Variants in GRM5 observed in about 807,000 individuals in gnomAD.
GRM5 encodes the protein glutamate metabotropic receptor 5, also known as metabotropic glutamate receptor 5.
GRM5 carries 19 observed loss-of-function variants against 83.1 expected under a neutral mutation model. The ratio of observed to expected loss-of-function variants is 0.23; its 90% confidence interval spans 0.16 to 0.34. The LOEUF is 0.34. Among genes scored for constraint, GRM5 ranks in the 10% least tolerant of loss-of-function variants. The pLI, the probability that GRM5 is intolerant of heterozygous loss-of-function variation, is 1.00. For synonymous variants in GRM5, 675 were observed against 633.6 expected (o/e 1.07, Z -0.98); for missense variants, 1,160 against 1,588.3 (o/e 0.73, Z 4.58).
At position 88,995,610 on chromosome 11, in the gene GRM5, G is replaced by C. The variant is rs1263019192; in HGVS notation, c.661+51602C>G. The stretch of plus-strand genomic sequence containing the variant: ...ATGGTATAAGGTACTGAAGTGGTGT[G>C]CACCAATGTTGTAGAATATATTCTT... On this transcript the variant is annotated intron_variant, in intron 2 of 9. Coordinates refer to ENST00000305447, the MANE Select transcript of GRM5 (RefSeq NM_001143831.3). Among the ~76,000 whole-genome samples the C allele has an allele frequency of 4.0e-5, 6 of 150,418 alleles. No homozygotes were observed. In the East Asian group the frequency reaches 1.2e-3, roughly 29 times the overall value.
intron 1 of GRM5, among the ~76,000 whole-genome samples, chr11:89,059,321 T>C (rs1472586175): frequency 6.6e-6 from 1 of 152,324 alleles, no homozygotes; most frequent in South Asian, 2.1e-4. Flanking sequence ...GAGATAGCAA[T>C]TACGTATTAT....
intron 2 of GRM5, among the ~76,000 whole-genome samples, chr11:88,865,867 A>C (rs1944654320): frequency 6.6e-6 from 1 of 152,166 alleles, no homozygotes; most frequent in African/African-American, 2.4e-5. Context: ...ATGCCATCTC[A>C]GGCCAGTTAG....
chr11:88,509,659 G>T (rs1941308679), intron 9 of GRM5, among the ~76,000 whole-genome samples, 155 bp from the exon 10 acceptor site: 1 of 152,214 alleles, frequency 6.6e-6, no homozygotes, highest in Admixed American at 6.5e-5. Context: ...CATGGAAAGA[G>T]ACCTTGGAAG....
rs149963550 is a variant in GRM5, at chr11:88,581,092, G to A, written c.1690+9509C>T. Among the ~76,000 whole-genome samples the A allele has an allele frequency of 7.3e-3, 1,115 of 152,180 alleles. 11 individuals carry two copies. Among genetic ancestry groups the A allele is most frequent in the African/African-American group, 0.026 (1,077 of 41,524 alleles). ...TGTGCCACTGCACTCCAACCTGGGC[G>A]ACAGAGCAAGATTCCATCTCAATAA... On this transcript the variant is annotated intron_variant, in intron 7 of 9. Coordinates refer to ENST00000305447, the MANE Select transcript of GRM5 (RefSeq NM_001143831.3).
At chr11:88,622,329 G>A (rs1448185273) in intron 4 of GRM5, among the ~76,000 whole-genome samples, 1 of 152,154 alleles carries the variant, frequency 6.6e-6, no homozygotes, top group East Asian at 1.9e-4. Context: ...ATGACATAAA[G>A]CTAAAACATA....
chr11:88,579,473 T>G (rs1433613436), intron 7 of GRM5, among the ~76,000 whole-genome samples: 1 of 152,118 alleles, frequency 6.6e-6, no homozygotes, highest in Admixed American at 6.5e-5. Context: ...GAGGTAGAAC[T>G]GGATATGAGG....
chr11:88,874,580 TAAAC>T (rs1944819953), intron 2 of GRM5, among the ~76,000 whole-genome samples: 1 of 151,784 alleles, frequency 6.6e-6, no homozygotes, highest in African/African-American at 2.4e-5. Flanking sequence ...AAATAAAAAG[TAAAC>T]AAATAAGAGA....
At chr11:88,786,962 C>A (rs1943082205) in intron 3 of GRM5, among the ~76,000 whole-genome samples, 1 of 151,964 alleles carries the variant, frequency 6.6e-6, no homozygotes, top group Non-Finnish European at 1.5e-5. Context: ...TCAGAATACA[C>A]AGTAAGTTTT....
At chr11:88,577,508 ATTGT>A (rs1943137268) in intron 7 of GRM5, among the ~76,000 whole-genome samples, 2 of 152,114 alleles carry the variant, frequency 1.3e-5, no homozygotes. Context: ...TAGAAAGGTA[ATTGT>A]TTGTTCCTTT....
chr11:88,952,981 C>T (rs1347880989), intron 2 of GRM5, among the ~76,000 whole-genome samples: 4 of 152,130 alleles, frequency 2.6e-5, no homozygotes, highest in African/African-American at 9.7e-5. Flanking sequence ...TTTCCCCTCT[C>T]TTTTCTAAAC....
At chr11:88,923,853 T>C (rs1367188410) in intron 2 of GRM5, among the ~76,000 whole-genome samples, 1 of 150,032 alleles carries the variant, frequency 6.7e-6, no homozygotes, top group African/African-American at 2.4e-5. Context: ...TATATATTCA[T>C]ATATATTCGT....
At chr11:89,053,360 C>T (rs1034706952) in intron 1 of GRM5, among the ~76,000 whole-genome samples, 14 of 151,906 alleles carry the variant, frequency 9.2e-5, no homozygotes, top group African/African-American at 2.2e-4. Flanking sequence ...CATAGAAATG[C>T]GAAAGAACTG....
rs12269830 is a variant in GRM5 at position 88,845,578 on chromosome 11, C to T, written c.911+4328G>A. Among the ~76,000 whole-genome samples the T allele has an allele frequency of 8.6e-5, 13 of 151,728 alleles. No individual in the cohort carries two copies. The East Asian group carries it at 1.6e-3, about 18-fold the overall frequency. The stretch of plus-strand genomic sequence containing the variant: ...CCTCCAGAGTAGCTGGGACTACAGG[C>T]GCACGCCGCGACACCCGGCTACTTT... On this transcript the variant is annotated intron_variant, in intron 3 of 9. Transcript: ENST00000305447.
intron 3 of GRM5, among the ~76,000 whole-genome samples, chr11:88,655,037 A>G (rs191371820): frequency 6.6e-6 from 1 of 152,236 alleles, no homozygotes; most frequent in Admixed American, 6.6e-5. Flanking sequence ...AAGGGAAAAA[A>G]TAAACAGAAA....
At chr11:88,713,936 T>C (rs1274433695) in intron 3 of GRM5, among the ~76,000 whole-genome samples, 1 of 151,992 alleles carries the variant, frequency 6.6e-6, no homozygotes. Flanking sequence ...CAAAATATAT[T>C]TCAAGGACTA....
chr11:89,016,169 G>A (rs1355159024), intron 2 of GRM5, among the ~76,000 whole-genome samples: 1 of 149,910 alleles, frequency 6.7e-6, no homozygotes, highest in Non-Finnish European at 1.5e-5. Context: ...ATATAAATAT[G>A]TTATAAATAT....
At chr11:88,959,611 G>A (rs1056055939) in intron 2 of GRM5, among the ~76,000 whole-genome samples, 1 of 152,028 alleles carries the variant, frequency 6.6e-6, no homozygotes, top group African/African-American at 2.4e-5. Context: ...AAGCAGTTTT[G>A]AGATACTCTA....
intron 2 of GRM5, among the ~76,000 whole-genome samples, chr11:89,004,562 C>T (rs1452640002): frequency 6.6e-6 from 1 of 152,094 alleles, no homozygotes; most frequent in Non-Finnish European, 1.5e-5. Context: ...TTTGAGAATG[C>T]TTAACCTGAA....
intron 3 of GRM5, among the ~76,000 whole-genome samples, chr11:88,701,255 G>A (rs1941028260): frequency 6.6e-6 from 1 of 152,152 alleles, no homozygotes; most frequent in Non-Finnish European, 1.5e-5. Context: ...ACAGGGAAGA[G>A]TATAATCACT....
Sources: allele counts gnomAD v4.1 joint callset (sites outside exome capture counted in the v4.1 genomes callset), GRCh38; gene constraint gnomAD v4.1.1; transcripts MANE v1.5; gene names NCBI Gene and HGNC (gene_info 2026-07-23, HGNC 2026-07-21).